Variants in AKT3 observed in about 807,000 individuals in gnomAD.
The protein encoded by AKT3 is AKT serine/threonine kinase 3.
In AKT3, 15 loss-of-function variants were observed where a neutral mutation model predicts 65.3. The ratio of observed to expected loss-of-function variants is 0.23; its 90% CI spans 0.15 to 0.35. The LOEUF (loss-of-function observed/expected upper bound fraction) is 0.35, where lower values mean the gene tolerates loss of function less well. Ranked by LOEUF, AKT3 falls within the 10% of genes least tolerant of loss-of-function variation. The pLI is 1.00. For synonymous variants in AKT3, 206 were observed against 183.8 expected, an observed-to-expected ratio of 1.12 and a Z score of -0.98; for missense variants, 243 against 576.5, an observed-to-expected ratio of 0.42 and a Z score of 5.92.
chr1:243,843,744 C>T (rs1695389263), intron 1 of AKT3, among the ~76,000 whole-genome samples: 1 of 151,886 alleles, frequency 6.6e-6, no homozygotes, highest in Non-Finnish European at 1.5e-5. Context: ...CTCCACCTCC[C>T]AGGTTCAAGC....
chr1:243,796,132 C>T (rs1405073591), intron 2 of AKT3, among the ~76,000 whole-genome samples: 5 of 152,208 alleles, frequency 3.3e-5, no homozygotes, highest in African/African-American at 7.2e-5. Context: ...CAAAGTCAGT[C>T]ACTACCTGTC....
At chr1:243,569,986 A>G (rs1192211241) in intron 9 of AKT3, among the ~76,000 whole-genome samples, 1 of 152,222 alleles carries the variant, frequency 6.6e-6, no homozygotes, top group East Asian at 1.9e-4. Context: ...TTAAGTAATC[A>G]CAAGGAATTT....
At chr1:243,729,789 A>G (rs1466466064) in intron 2 of AKT3, among the ~76,000 whole-genome samples, 2 of 152,226 alleles carry the variant, frequency 1.3e-5, no homozygotes, top group Non-Finnish European at 2.9e-5. Context: ...ATATCTCTGG[A>G]CAATAAATGA....
At chr1:243,639,778 G>T (rs923280669) in intron 5 of AKT3, among the ~76,000 whole-genome samples, 4 of 152,084 alleles carry the variant, frequency 2.6e-5, no homozygotes, top group African/African-American at 9.7e-5. Flanking sequence ...AGCCATCAGG[G>T]CTGCTCTGCC....
In AKT3 at chr1:243,620,402, T is replaced by G. The variant is rs1469469979; in HGVS notation, c.562-5241A>C. ...AATACAGATGATATCACATTGTGGT[T>G]TTGATTTGCATTTCCCTGATGAGTA... On this transcript the variant is annotated intron_variant, in intron 6 of 13. Transcript: ENST00000673466. Among the ~76,000 whole-genome samples, 2 of 41,816 alleles carry G rather than the reference T, an allele frequency of 4.8e-5. 1 individual carries two copies. The highest frequency in any genetic ancestry group is 7.6e-5 in the African/African-American group (2 of 26,308). The allele number at this position is 41,816 out of a possible 152,430, so 27.4% of individuals were successfully genotyped here.
At chr1:243,592,167 C>T (rs923434409) in intron 8 of AKT3, among the ~76,000 whole-genome samples, 1 of 151,910 alleles carries the variant, frequency 6.6e-6, no homozygotes, top group African/African-American at 2.4e-5. Context: ...AACCCCGTCG[C>T]TACTAAAAAT....
chr1:243,765,460 A>G (rs1689759942), intron 2 of AKT3, among the ~76,000 whole-genome samples: 2 of 152,284 alleles, frequency 1.3e-5, no homozygotes. Context: ...AAGGCTACCA[A>G]TGACTTCCTA....
In AKT3 at chr1:243,551,535, A is replaced by G. The variant is rs988582927; in HGVS notation, c.1163+1194T>C. The stretch of plus-strand genomic sequence containing the variant: ...TTTCTCAGATAGACTTAAAAATCCA[A>G]CTTTTTGGGATTCACTCATTAACCC... On this transcript the variant is annotated intron_variant, in intron 11 of 13. Coordinates refer to ENST00000673466, the MANE Select transcript of AKT3 (RefSeq NM_005465.7). Among the ~76,000 whole-genome samples, 10 of 151,736 alleles carry G rather than the reference A, an allele frequency of 6.6e-5. No homozygotes were observed. In the East Asian group the frequency reaches 1.7e-3, roughly 26 times the overall value.
intron 2 of AKT3, among the ~76,000 whole-genome samples, chr1:243,832,983 G>T (rs1347209768): frequency 6.6e-6 from 1 of 152,094 alleles, no homozygotes; most frequent in Non-Finnish European, 1.5e-5. Flanking sequence ...CCTGAGGCCG[G>T]GCGCAGTGGC....
chr1:243,822,300 C>T (rs1034935203), intron 2 of AKT3, among the ~76,000 whole-genome samples: 1 of 152,028 alleles, frequency 6.6e-6, no homozygotes, highest in African/African-American at 2.4e-5. Context: ...AAATTTATAG[C>T]ACTAAATGAC....
chr1:243,593,918 A>T (rs1676419104), intron 8 of AKT3, among the ~76,000 whole-genome samples: 2 of 152,242 alleles, frequency 1.3e-5, no homozygotes, highest in African/African-American at 4.8e-5. Flanking sequence ...ACACTGCACT[A>T]GCAGTCACAG....
rs1016857367 is a variant in AKT3 at position 243,500,680 on chromosome 1, C to G, written c.*4569G>C. ...ACCTTCGGCTGCCCTGCCTGGCCAG[C>G]GAGCCATCATCCTCATCACCATCTC... On this transcript the variant is annotated 3_prime_UTR_variant, in exon 14 of 14. Coordinates refer to ENST00000673466, the MANE Select transcript of AKT3 (RefSeq NM_005465.7). The G allele has an allele frequency of 2.2e-5, 5 of 229,432 alleles. No individual in the cohort carries two copies. In the East Asian group the frequency reaches 2.5e-4, roughly 11 times the overall value. 14.2% of individuals were successfully genotyped at this position (229,432 alleles called of 1,614,324 possible). A position where few individuals can be genotyped will look rare whatever the true frequency, so the allele number is the denominator to read the frequency against.
In AKT3 at chr1:243,581,833, C is replaced by CA. The variant is rs886382584; in HGVS notation, c.697-8786dup. 3.6e-3 allele frequency among the ~76,000 whole-genome samples: 534 copies of CA among 148,518 alleles called. 2 individuals are homozygous for CA. Among genetic ancestry groups the CA allele is most frequent in the African/African-American group, 0.012 (498 of 40,334 alleles). ...GATCCAAGACAAAGTTGAAAATCAA[C>CA]AAAAAAAAACTTCTAAAGTAATCCA... is the stretch of plus-strand genomic sequence containing the variant. On this transcript the variant is annotated intron_variant, in intron 8 of 13. Transcript: ENST00000673466.
intron 10 of AKT3, among the ~76,000 whole-genome samples, chr1:243,553,348 A>G (rs1673197281): frequency 6.6e-6 from 1 of 152,348 alleles, no homozygotes; most frequent in Admixed American, 6.5e-5. Flanking sequence ...TATAGAGCAC[A>G]TAAAGTGCAC....
chr1:243,634,138 T>C (rs927283318), intron 6 of AKT3, among the ~76,000 whole-genome samples: 2 of 152,124 alleles, frequency 1.3e-5, no homozygotes, highest in African/African-American at 4.8e-5. Flanking sequence ...ATATAATCTA[T>C]GCACATCTTC....
intron 11 of AKT3, among the ~76,000 whole-genome samples, chr1:243,546,377 T>C (rs140641233): frequency 6.6e-6 from 1 of 151,024 alleles, no homozygotes; most frequent in African/African-American, 2.4e-5. Flanking sequence ...TAATATAGTA[T>C]ATATTACTAA....
chr1:243,748,066 A>G (rs1409670505), intron 2 of AKT3, among the ~76,000 whole-genome samples: 1 of 152,192 alleles, frequency 6.6e-6, no homozygotes, highest in Non-Finnish European at 1.5e-5. Flanking sequence ...GAAAAAATTA[A>G]AAGATACACA....
intron 2 of AKT3, among the ~76,000 whole-genome samples, chr1:243,791,816 C>G (rs1191918164): frequency 6.6e-6 from 1 of 152,100 alleles, no homozygotes; most frequent in Admixed American, 6.6e-5. Flanking sequence ...AGCTCTGGAC[C>G]AAATGAATCA....
intron 8 of AKT3, among the ~76,000 whole-genome samples, chr1:243,594,561 G>A (rs766459945): frequency 1.3e-5 from 2 of 152,156 alleles, no homozygotes; most frequent in African/African-American, 2.4e-5. Flanking sequence ...TGCAGAAACA[G>A]ACCCATATGT....
Sources: allele counts gnomAD v4.1 joint callset (sites outside exome capture counted in the v4.1 genomes callset), GRCh38; gene constraint gnomAD v4.1.1; transcripts MANE v1.5; gene names NCBI Gene and HGNC (gene_info 2026-07-23, HGNC 2026-07-21).